The following ABAT variants were observed in gnomAD, a reference collection of about 807,000 sequenced individuals.
The protein encoded by ABAT is 4-aminobutyrate aminotransferase, mitochondrial.
In ABAT, 45 loss-of-function variants were observed where a neutral mutation model predicts 64.6. That is an observed-to-expected ratio of 0.70 (90% confidence interval 0.55 to 0.89). The LOEUF is 0.89. Among genes scored for constraint, ABAT ranks in the 40% least tolerant of loss-of-function variants. The probability of loss-of-function intolerance (pLI) is 0.00; values close to 1 mark genes in which losing one functional copy is unlikely to be tolerated. For synonymous variants in ABAT, 297 were observed against 250.5 expected (o/e 1.19, Z -1.75); for missense variants, 633 against 658.4 (o/e 0.96, Z 0.42).
intron 1 of ABAT, among the ~76,000 whole-genome samples, chr16:8,689,173 G>T (rs896277354): frequency 1.3e-5 from 2 of 151,688 alleles, no homozygotes; most frequent in African/African-American, 2.4e-5. Context: ...TTTATCTCCA[G>T]CATCCACCTA....
chr16:8,762,001 CT>C (rs35468187), intron 6 of ABAT, among the ~76,000 whole-genome samples: 16 of 32,374 alleles, frequency 4.9e-4, no homozygotes, highest in East Asian at 9.8e-3. Flanking sequence ...CCTTCTCCTT[CT>C]TCTCCTTCTT....
chr16:8,742,769 G>A (rs1386503970), intron 2 of ABAT, among the ~76,000 whole-genome samples: 1 of 151,416 alleles, frequency 6.6e-6, no homozygotes, highest in Non-Finnish European at 1.5e-5. Flanking sequence ...AGGGGGCTAA[G>A]GTGAGAGGAT....
At chr16:8,736,914 C>T (rs1333756508) in intron 2 of ABAT, 1 of 152,218 alleles carries the variant, frequency 6.6e-6, no homozygotes, top group African/African-American at 2.4e-5. Flanking sequence ...CCGAGAGTGG[C>T]CTCCTGCAGA....
chr16:8,773,105 T>TACACACACACACACACACAC (rs35248639), intron 12 of ABAT, among the ~76,000 whole-genome samples, 188 bp downstream of exon 12: 11 of 109,028 alleles, frequency 1.0e-4, no homozygotes, highest in East Asian at 6.2e-4. Flanking sequence ...CCTAAAACTA[T>TACACACACACACACACACAC]ACACACACAC....
At chr16:8,769,037 C>G in intron 11 of ABAT, 64 bp downstream of exon 11, 2 of 1,605,894 alleles carry the variant, frequency 1.2e-6, no homozygotes, top group African/African-American at 1.3e-5. Flanking sequence ...CGCCCCAAGA[C>G]TTGGGGAGAA....
intron 1 of ABAT, among the ~76,000 whole-genome samples, chr16:8,706,429 G>C (rs1016360566): frequency 8.9e-6 from 1 of 112,020 alleles, no homozygotes; most frequent in African/African-American, 3.0e-5. Context: ...AAAAAGAAAA[G>C]ACCAGGCATG....
chr16:8,773,052 AG>A (rs2060160480), intron 12 of ABAT, 135 bp downstream of exon 12: 1 of 962,976 alleles, frequency 1.0e-6, no homozygotes, highest in South Asian at 1.5e-5. Context: ...TGTCAGCATC[AG>A]GGGTGGAGAA....
chr16:8,733,078 A>ACCC (rs1289051031), intron 1 of ABAT, among the ~76,000 whole-genome samples: 1 of 127,578 alleles, frequency 7.8e-6, no homozygotes, highest in African/African-American at 3.5e-5. Context: ...CGGGGGGCTG[A>ACCC]CCCCCCCACC....
intron 2 of ABAT, among the ~76,000 whole-genome samples, chr16:8,739,402 C>G (rs2059094074): frequency 6.6e-6 from 1 of 152,148 alleles, no homozygotes; most frequent in South Asian, 2.1e-4. Context: ...TCCTATTTCA[C>G]AAATTTCTTG....
At chr16:8,735,659 G>T (rs1439192925) in intron 1 of ABAT, 40 bp from the exon 2 acceptor site, 2 of 1,506,274 alleles carry the variant, frequency 1.3e-6, no homozygotes, top group African/African-American at 1.4e-5. Flanking sequence ...GAGGGGAGTG[G>T]TCTTCATGGG....
chr16:8,767,779 G>A (rs1390268567), intron 9 of ABAT, among the ~76,000 whole-genome samples: 1 of 152,072 alleles, frequency 6.6e-6, no homozygotes, highest in Non-Finnish European at 1.5e-5. Flanking sequence ...GGGTTCAAGC[G>A]ATTCTCCTGT....
In ABAT at chr16:8,781,562, A is replaced by C. The variant is rs1270877091; in HGVS notation, c.*132A>C. On this transcript the variant is annotated 3_prime_UTR_variant, in exon 16 of 16. Coordinates refer to ENST00000268251, the MANE Select transcript of ABAT (RefSeq NM_020686.6). The surrounding 1 kb of genome is among the most constrained non-coding windows in gnomAD (Gnocchi z 4.5). ...AGTGAAGGGTGATTTGTGGGGAGGG[A>C]GCATTTTTGGTGGTCTTGGGGGAGG... 4.5e-6 allele frequency: 4 copies of C among 879,316 alleles called. No individual in the cohort carries two copies. The highest frequency in any genetic ancestry group is 6.6e-6 in the Non-Finnish European group (4 of 607,124). 54.5% of individuals were successfully genotyped at this position (879,316 alleles called of 1,614,324 possible).
At chr16:8,761,224 A>C in intron 6 of ABAT, among the ~76,000 whole-genome samples, 5 of 93,172 alleles carry the variant, frequency 5.4e-5, no homozygotes, top group African/African-American at 1.8e-4. Flanking sequence ...CTGCCCTCTC[A>C]CCTCGTCAGG....
At chr16:8,696,753 A>T (rs1261707713) in intron 1 of ABAT, among the ~76,000 whole-genome samples, 1 of 152,208 alleles carries the variant, frequency 6.6e-6, no homozygotes, top group African/African-American at 2.4e-5. Flanking sequence ...AAGTGTTCCC[A>T]GCAGCCGGGT....
At chr16:8,719,661 G>A (rs772189730) in intron 1 of ABAT, among the ~76,000 whole-genome samples, 3 of 152,108 alleles carry the variant, frequency 2.0e-5, no homozygotes, top group African/African-American at 7.2e-5. Flanking sequence ...CAGCTCATCA[G>A]GCCATAGAAG....
chr16:8,718,775 T>C (rs577661020), intron 1 of ABAT, among the ~76,000 whole-genome samples: 22 of 152,314 alleles, frequency 1.4e-4, no homozygotes, highest in African/African-American at 1.9e-4. Flanking sequence ...CTTGACACGA[T>C]TGGCATTCAT....
At chr16:8,697,184 G>A (rs920323927) in intron 1 of ABAT, among the ~76,000 whole-genome samples, 4 of 152,186 alleles carry the variant, frequency 2.6e-5, no homozygotes, top group Non-Finnish European at 4.4e-5. Flanking sequence ...TGAGACAGCC[G>A]TTTCGGGCCC....
At chr16:8,726,945 T>C (rs946069295) in intron 1 of ABAT, among the ~76,000 whole-genome samples, 1 of 152,252 alleles carries the variant, frequency 6.6e-6, no homozygotes, top group Non-Finnish European at 1.5e-5. Context: ...TGATCAGTGA[T>C]GTCAAGCACC....
intron 15 of ABAT, among the ~76,000 whole-genome samples, chr16:8,779,895 G>A (rs368125351): frequency 6.6e-6 from 1 of 152,168 alleles, no homozygotes; most frequent in Non-Finnish European, 1.5e-5. Context: ...TAGCAGGAAG[G>A]CATGGCTTTA....
Sources: gnomAD v4.1 joint callset for allele counts (sites outside exome capture counted in the v4.1 genomes callset) on GRCh38, gnomAD v4.1.1 for gene constraint, Gnocchi (gnomAD v3.1) non-coding constraint, MANE v1.5 for transcripts, NCBI Gene and HGNC (gene_info 2026-07-23, HGNC 2026-07-21) for gene names.